The following PSD3 variants were observed in gnomAD, a reference collection of about 807,000 sequenced individuals.
The protein encoded by PSD3 is PH and SEC7 domain-containing protein 3.
A neutral mutation model predicts 105.5 loss-of-function variants in PSD3; 49 were observed. The ratio of observed to expected loss-of-function variants is 0.46; its 90% CI spans 0.37 to 0.59. PSD3 has a LOEUF of 0.59. Among genes scored for constraint, PSD3 ranks in the 20% least tolerant of loss-of-function variants. The pLI is 0.00. For synonymous variants in PSD3, 557 were observed against 457.8 expected, an observed-to-expected ratio of 1.22 and a Z score of -2.77; for missense variants, 1,561 against 1,263.8, an observed-to-expected ratio of 1.24 and a Z score of -3.57.
chr8:18,888,064 C>T (rs1399359520), intron 2 of PSD3, among the ~76,000 whole-genome samples: 1 of 152,164 alleles, frequency 6.6e-6, no homozygotes, highest in African/African-American at 2.4e-5. Flanking sequence ...GTCCACCCTC[C>T]CTACCCCTAA....
rs180726074 is a variant in PSD3 at position 18,720,127 on chromosome 8, T to C, written c.2172+45322A>G. Among the ~76,000 whole-genome samples the C allele has an allele frequency of 4.6e-5, 7 of 152,238 alleles. No homozygotes were observed. In the South Asian group the frequency reaches 1.2e-3, roughly 27 times the overall value. On this transcript the variant is annotated intron_variant, in intron 9 of 15. Transcript: ENST00000327040. ...TTCCAATGTATGGGAAACTCATATA[T>C]GTAGAGAAAATCTGCAGATATTCCC...
intron 9 of PSD3, among the ~76,000 whole-genome samples, chr8:18,715,088 C>T (rs1368491187): frequency 1.3e-5 from 2 of 152,062 alleles, no homozygotes; most frequent in Non-Finnish European, 2.9e-5. Flanking sequence ...AAGGAGAACC[C>T]GTGGACACAG....
intron 2 of PSD3, among the ~76,000 whole-genome samples, chr8:18,906,527 T>C (rs1420186905): frequency 6.6e-6 from 1 of 152,200 alleles, no homozygotes. Flanking sequence ...CTAGGAAGGC[T>C]CTGATGGCCT....
At chr8:19,056,796 C>A (rs1365737076) in intron 1 of PSD3, among the ~76,000 whole-genome samples, 1 of 151,912 alleles carries the variant, frequency 6.6e-6, no homozygotes, top group Non-Finnish European at 1.5e-5. Flanking sequence ...TGAACAAAGA[C>A]AAAAGTAAAA....
chr8:18,812,483 AC>A (rs1811778492), intron 4 of PSD3, among the ~76,000 whole-genome samples: 1 of 152,168 alleles, frequency 6.6e-6, no homozygotes, highest in Non-Finnish European at 1.5e-5. Flanking sequence ...AAGCAGGGTG[AC>A]CAGTCAGGGG....
intron 11 of PSD3, among the ~76,000 whole-genome samples, chr8:18,602,865 CA>C (rs1307107691): frequency 1.3e-5 from 2 of 152,154 alleles, no homozygotes; most frequent in East Asian, 3.9e-4. Flanking sequence ...TAATGAATGA[CA>C]AGCACTGGTC....
At chr8:18,782,888 T>C (rs113898400) in intron 8 of PSD3, among the ~76,000 whole-genome samples, 73 of 152,348 alleles carry the variant, frequency 4.8e-4, no homozygotes, top group African/African-American at 1.7e-3. Context: ...GCAGTCTCAC[T>C]TGGTCATGCT....
chr8:19,074,611 ATTTTTTTTTT>A (rs1206111403), intron 1 of PSD3, among the ~76,000 whole-genome samples: 2 of 24,228 alleles, frequency 8.3e-5, no homozygotes, highest in African/African-American at 3.2e-4. Context: ...ATATATATAT[ATTTTTTTTTT>A]TTTTTTTTTT....
chr8:18,590,249 A>G (rs2130486567), intron 12 of PSD3, among the ~76,000 whole-genome samples: 1 of 152,294 alleles, frequency 6.6e-6, no homozygotes, highest in South Asian at 2.1e-4. Context: ...CTCCATTCCA[A>G]AGCAGTTGAT....
intron 14 of PSD3, among the ~76,000 whole-genome samples, chr8:18,564,307 C>A (rs1360437877): frequency 6.6e-6 from 1 of 151,960 alleles, no homozygotes; most frequent in Non-Finnish European, 1.5e-5. Context: ...TAGAATATGA[C>A]AAAAATCTGA....
chr8:19,057,276 G>A (rs142305761), intron 1 of PSD3, among the ~76,000 whole-genome samples: 3 of 152,150 alleles, frequency 2.0e-5, no homozygotes, highest in African/African-American at 7.2e-5. Flanking sequence ...CACTCCAAGA[G>A]TGGTATACAC....
intron 1 of PSD3, among the ~76,000 whole-genome samples, chr8:19,079,758 A>C (rs966076279): frequency 2.0e-5 from 3 of 152,168 alleles, no homozygotes; most frequent in African/African-American, 7.2e-5. Flanking sequence ...TTCATACCTG[A>C]ATGTCTTGCT....
intron 1 of PSD3, among the ~76,000 whole-genome samples, chr8:18,998,746 G>A (rs1826216637): frequency 6.6e-6 from 1 of 151,948 alleles, no homozygotes. Context: ...GCAAGCAGGT[G>A]AATGTAGCCA....
chr8:18,941,589 C>T (rs569074519), intron 1 of PSD3, among the ~76,000 whole-genome samples: 5 of 151,592 alleles, frequency 3.3e-5, no homozygotes, highest in African/African-American at 4.8e-5. Flanking sequence ...ATTACATTCA[C>T]GTTATCCAAC....
chr8:18,553,243 C>T (rs1318979486), intron 15 of PSD3, among the ~76,000 whole-genome samples: 1 of 152,166 alleles, frequency 6.6e-6, no homozygotes, highest in Non-Finnish European at 1.5e-5. Context: ...GGAGGACCCA[C>T]CATAAGAGGA....
At chr8:18,630,806 T>A (rs58257553) in intron 11 of PSD3, among the ~76,000 whole-genome samples, 10,322 of 152,020 alleles carry the variant, frequency 0.068, 503 homozygotes, top group African/African-American at 0.14. Context: ...ATGTACAGAC[T>A]TTTTTCCTTG....
At position 18,620,347 on chromosome 8, in the gene PSD3, T is replaced by TTTTTG. The variant is rs1439695719; in HGVS notation, c.2410+12265_2410+12266insCAAAA. Among the ~76,000 whole-genome samples, 408 of 143,586 alleles carry TTTTTG rather than the reference T, an allele frequency of 2.8e-3. 2 individuals carry two copies. The highest frequency in any genetic ancestry group is 0.01 in the African/African-American group (390 of 38,894). 94.2% of individuals were successfully genotyped at this position (143,586 alleles called of 152,430 possible). A position where few individuals can be genotyped will look rare whatever the true frequency, so the allele number is the denominator to read the frequency against. On this transcript the variant is annotated intron_variant, in intron 11 of 15. Transcript: ENST00000327040. ...TGAAGGGTTCTTGGGTTTGTGTTTT[T>TTTTTG]TTTTTTTTTTTTTCCCCAGGCTGTG...
At chr8:18,842,110 G>T (rs1814676169) in intron 4 of PSD3, among the ~76,000 whole-genome samples, 1 of 152,106 alleles carries the variant, frequency 6.6e-6, no homozygotes, top group African/African-American at 2.4e-5. Flanking sequence ...ATACCAAGAA[G>T]CAAAAAGTAC....
At chr8:18,854,972 G>A (rs754596612) in intron 4 of PSD3, among the ~76,000 whole-genome samples, 1 of 152,200 alleles carries the variant, frequency 6.6e-6, no homozygotes, top group Non-Finnish European at 1.5e-5. Context: ...AACTGCCACA[G>A]AGGCATCCGA....
Sources: allele counts gnomAD v4.1 joint callset (sites outside exome capture counted in the v4.1 genomes callset), GRCh38; gene constraint gnomAD v4.1.1; transcripts MANE v1.5; gene names NCBI Gene and HGNC (gene_info 2026-07-23, HGNC 2026-07-21).